MDGA2: variants seen among roughly 807,000 people sequenced by gnomAD.
The protein encoded by MDGA2 is MAM domain-containing glycosylphosphatidylinositol anchor protein 2.
In MDGA2, 40 loss-of-function variants were observed where a neutral mutation model predicts 117.8. The observed-to-expected ratio is 0.34, with a 90% CI of 0.26 to 0.44. The LOEUF is 0.44. Among genes scored for constraint, MDGA2 ranks in the 20% least tolerant of loss-of-function variants. The pLI, the probability that MDGA2 is intolerant of heterozygous loss-of-function variation, is 1.00. For synonymous variants in MDGA2, 452 were observed against 439.0 expected, an observed-to-expected ratio of 1.03 and a Z score of -0.37; for missense variants, 1,123 against 1,250.6, an observed-to-expected ratio of 0.90 and a Z score of 1.54.
Position 47,560,073 on chromosome 14 carries a change from T to A in MDGA2, c.280+114444A>T, listed in dbSNP as rs544162748. Among the ~76,000 whole-genome samples, 34 of 129,760 alleles carry A rather than the reference T, an allele frequency of 2.6e-4. No individual in the cohort carries two copies. In the South Asian group the frequency reaches 7.4e-3, roughly 28 times the overall value. The allele number at this position is 129,760 out of a possible 152,430, so 85.1% of individuals were successfully genotyped here. ...CTCACTGGCATCTGTTATCTTAGGA[T>A]TTTTTTTTTTTTTAGACGGAGTCTC... On this transcript the variant is annotated intron_variant, in intron 1 of 16. Transcript: ENST00000399232.
At chr14:46,962,110 C>A (rs1435080123) in intron 8 of MDGA2, among the ~76,000 whole-genome samples, 1 of 152,134 alleles carries the variant, frequency 6.6e-6, no homozygotes, top group Non-Finnish European at 1.5e-5. Flanking sequence ...ATGATGGTTT[C>A]TTTCTCCAGA....
At chr14:47,098,024 C>T (rs977982041) in intron 5 of MDGA2, among the ~76,000 whole-genome samples, 14 of 151,780 alleles carry the variant, frequency 9.2e-5, no homozygotes, top group Admixed American at 2.6e-4. Context: ...CTAAATAATG[C>T]ATCCCTAAAT....
chr14:47,533,348 C>G (rs1895140006), intron 1 of MDGA2, among the ~76,000 whole-genome samples: 1 of 152,202 alleles, frequency 6.6e-6, no homozygotes, highest in Non-Finnish European at 1.5e-5. Flanking sequence ...CTTGTCTGCC[C>G]TTCCATTCCC....
At chr14:46,923,264 T>A (rs1006917004) in intron 9 of MDGA2, among the ~76,000 whole-genome samples, 2 of 152,200 alleles carry the variant, frequency 1.3e-5, no homozygotes, top group African/African-American at 4.8e-5. Flanking sequence ...TGTATTTTTT[T>A]AAATGCTTTA....
At chr14:47,215,728 T>G (rs986589032) in intron 3 of MDGA2, among the ~76,000 whole-genome samples, 1 of 152,134 alleles carries the variant, frequency 6.6e-6, no homozygotes, top group Non-Finnish European at 1.5e-5. Flanking sequence ...AGATGTCATG[T>G]TTATTTATAG....
intron 1 of MDGA2, among the ~76,000 whole-genome samples, chr14:47,575,924 T>C (rs116186094): frequency 1.3e-5 from 2 of 152,206 alleles, no homozygotes; most frequent in Admixed American, 1.3e-4. Context: ...AAAACCCACA[T>C]GATGCATTTT....
chr14:47,195,007 G>C (rs902921444), intron 3 of MDGA2, among the ~76,000 whole-genome samples: 3 of 151,930 alleles, frequency 2.0e-5, no homozygotes, highest in Admixed American at 1.3e-4. Flanking sequence ...GAATGTGTTT[G>C]ATTTAAACAC....
At chr14:47,131,911 A>G in intron 4 of MDGA2, 65 bp from the exon 5 acceptor site, 1 of 1,253,150 alleles carries the variant, frequency 8.0e-7, no homozygotes, top group Non-Finnish European at 1.1e-6. Flanking sequence ...TGAATGAAAC[A>G]TCACATCACA....
At chr14:47,555,992 T>C (rs533769929) in intron 1 of MDGA2, among the ~76,000 whole-genome samples, 2 of 152,200 alleles carry the variant, frequency 1.3e-5, no homozygotes, top group Non-Finnish European at 2.9e-5. Flanking sequence ...CTTAAAAGTT[T>C]TGACATTTCT....
At chr14:47,642,685 T>C (rs1367590007) in intron 1 of MDGA2, among the ~76,000 whole-genome samples, 1 of 152,014 alleles carries the variant, frequency 6.6e-6, no homozygotes, top group Non-Finnish European at 1.5e-5. Flanking sequence ...TCTATCCATC[T>C]CTAGATGATA....
chr14:47,275,778 C>T (rs756522888), intron 2 of MDGA2, among the ~76,000 whole-genome samples: 7 of 152,044 alleles, frequency 4.6e-5, no homozygotes, highest in Non-Finnish European at 1.0e-4. Flanking sequence ...TGAACTGAAG[C>T]AGAGAAGCGC....
intron 1 of MDGA2, among the ~76,000 whole-genome samples, chr14:47,305,709 T>A (rs2139824742): frequency 6.6e-6 from 1 of 152,284 alleles, no homozygotes; most frequent in African/African-American, 2.4e-5. Flanking sequence ...ATATGATGAT[T>A]AATGCCATGA....
chr14:46,929,493 G>T (rs552567376), intron 9 of MDGA2, among the ~76,000 whole-genome samples: 48 of 148,714 alleles, frequency 3.2e-4, no homozygotes, highest in African/African-American at 1.2e-3. Flanking sequence ...CAAGGTGAAG[G>T]TTATGAAAGG....
chr14:47,193,208 G>C (rs1885175691), intron 3 of MDGA2, among the ~76,000 whole-genome samples: 1 of 152,114 alleles, frequency 6.6e-6, no homozygotes, highest in Non-Finnish European at 1.5e-5. Flanking sequence ...TAGATTCCAG[G>C]CAGGATCTGT....
chr14:47,439,486 G>T (rs1892959845), intron 1 of MDGA2, among the ~76,000 whole-genome samples: 2 of 152,086 alleles, frequency 1.3e-5, no homozygotes, highest in Admixed American at 1.3e-4. Context: ...TGCAATGTTA[G>T]GTTAACATTC....
chr14:46,962,146 TAGA>T (rs1885836851), intron 8 of MDGA2, among the ~76,000 whole-genome samples: 1 of 152,230 alleles, frequency 6.6e-6, no homozygotes, highest in African/African-American at 2.4e-5. Flanking sequence ...CGGGCAACTA[TAGA>T]CATCACTGTC....
At chr14:47,335,024 G>A (rs1890399018) in intron 1 of MDGA2, among the ~76,000 whole-genome samples, 1 of 151,744 alleles carries the variant, frequency 6.6e-6, no homozygotes, top group African/African-American at 2.4e-5. Flanking sequence ...ATTATTTGTT[G>A]CAGGCTATCC....
intron 1 of MDGA2, among the ~76,000 whole-genome samples, chr14:47,649,470 T>C (rs371934326): frequency 6.6e-6 from 1 of 152,132 alleles, no homozygotes; most frequent in Non-Finnish European, 1.5e-5. Context: ...CACAAATTTA[T>C]ACAGCATAGC....
intron 1 of MDGA2, among the ~76,000 whole-genome samples, chr14:47,672,939 T>A (rs2138322178): frequency 6.6e-6 from 1 of 152,186 alleles, no homozygotes. Context: ...AGACTCAGCA[T>A]CTCTCTCATA....
Sources: allele counts gnomAD v4.1 joint callset (sites outside exome capture counted in the v4.1 genomes callset), GRCh38; gene constraint gnomAD v4.1.1; transcripts MANE v1.5; gene names NCBI Gene and HGNC (gene_info 2026-07-23, HGNC 2026-07-21).